The following PDE1A variants were observed in gnomAD, a reference collection of about 807,000 sequenced individuals.
PDE1A encodes the protein dual specificity calcium/calmodulin-dependent 3',5'-cyclic nucleotide phosphodiesterase 1A.
Under a neutral mutation model 61.7 loss-of-function variants are expected in PDE1A, and 35 were observed. The observed-to-expected ratio is 0.57, with a 90% CI of 0.43 to 0.75. PDE1A has a LOEUF of 0.75. PDE1A is among the 30% of genes least tolerant of loss of function. The pLI, the probability that PDE1A is intolerant of heterozygous loss-of-function variation, is 0.00. For missense variants in PDE1A, 597 were observed against 630.6 expected, an observed-to-expected ratio of 0.95 and a Z score of 0.57; for synonymous variants, 232 against 213.2, an observed-to-expected ratio of 1.09 and a Z score of -0.77.
chr2:182,475,002 AT>A (rs780817138), intron 2 of PDE1A, among the ~76,000 whole-genome samples: 4 of 151,946 alleles, frequency 2.6e-5, no homozygotes, highest in Non-Finnish European at 5.9e-5. Context: ...GCTTGACATC[AT>A]TCTGGGGTAT....
the PDE1A span, among the ~76,000 whole-genome samples, chr2:182,587,755 A>C: frequency 6.6e-6 from 1 of 152,204 alleles, no homozygotes; most frequent in South Asian, 2.1e-4. Flanking sequence ...GGAATTTCTG[A>C]GCCACAATAA....
chr2:182,687,992 G>T, the PDE1A span, among the ~76,000 whole-genome samples: 1 of 152,152 alleles, frequency 6.6e-6, no homozygotes, highest in East Asian at 1.9e-4. Context: ...GGAATAAAAA[G>T]AAATGAACAA....
At chr2:182,360,592 C>T (rs1559375159) in intron 1 of PDE1A, among the ~76,000 whole-genome samples, 1 of 150,274 alleles carries the variant, frequency 6.7e-6, no homozygotes, top group Non-Finnish European at 1.5e-5. Flanking sequence ...GGGCATAGTG[C>T]CCAGGGCCTA....
intron 1 of PDE1A, among the ~76,000 whole-genome samples, chr2:182,372,073 C>T (rs1431538890): frequency 6.6e-6 from 1 of 152,204 alleles, no homozygotes; most frequent in Non-Finnish European, 1.5e-5. Flanking sequence ...TGGCATGGGC[C>T]ACCATGCCTG....
At chr2:182,619,256 A>T in the PDE1A span, among the ~76,000 whole-genome samples, 3 of 152,190 alleles carry the variant, frequency 2.0e-5, no homozygotes, top group East Asian at 1.9e-4. Flanking sequence ...TAGAAAATTT[A>T]CAACACTATA....
intron 2 of PDE1A, among the ~76,000 whole-genome samples, chr2:182,507,660 A>G (rs1290095398): frequency 6.6e-6 from 1 of 152,342 alleles, no homozygotes; most frequent in East Asian, 1.9e-4. Flanking sequence ...AAATTGGGCC[A>G]TTACTGCAAC....
the PDE1A span, among the ~76,000 whole-genome samples, chr2:182,555,965 C>CAAAAAAAAAAAAAAAAAAAAA: frequency 2.9e-4 from 14 of 48,436 alleles, no homozygotes; most frequent in South Asian, 1.2e-3. Context: ...AACTCCATCT[C>CAAAAAAAAAAAAAAAAAAAAA]AAAAAAAAAA....
intron 4 of PDE1A, 28 bp from the exon 5 acceptor site, chr2:182,231,159 G>C (rs1321117607): frequency 9.1e-7 from 1 of 1,103,366 alleles, no homozygotes; most frequent in South Asian, 1.3e-5. Flanking sequence ...AATACTTTAG[G>C]TGCCAATATC....
At chr2:182,522,509 C>A in intron 1 of PDE1A, 1 of 1,485,376 alleles carries the variant, frequency 6.7e-7, no homozygotes, top group South Asian at 1.4e-5. Context: ...ATGTACAAAG[C>A]TGAGGGAAGA....
the PDE1A span, among the ~76,000 whole-genome samples, chr2:182,697,967 C>T: frequency 2.8e-4 from 42 of 152,282 alleles, no homozygotes; most frequent in Non-Finnish European, 1.2e-4. Flanking sequence ...GCACCTGGAG[C>T]CAAATAGGCA....
the PDE1A span, among the ~76,000 whole-genome samples, chr2:182,560,310 G>A: frequency 1.4e-5 from 2 of 143,128 alleles, no homozygotes; most frequent in Non-Finnish European, 3.0e-5. Flanking sequence ...GAGAATATGC[G>A]GTGTTTGGTT....
chr2:182,180,414 C>T (rs1312670652), intron 13 of PDE1A, among the ~76,000 whole-genome samples: 4 of 152,102 alleles, frequency 2.6e-5, no homozygotes, highest in African/African-American at 4.8e-5. Flanking sequence ...ATATTGCCCT[C>T]ACTCTCTTCT....
At chr2:182,473,803 T>C (rs1210886057) in intron 2 of PDE1A, among the ~76,000 whole-genome samples, 1 of 152,016 alleles carries the variant, frequency 6.6e-6, no homozygotes, top group Non-Finnish European at 1.5e-5. Context: ...TCCACGTTCC[T>C]TCAAAGAACA....
intron 6 of PDE1A, among the ~76,000 whole-genome samples, chr2:182,225,573 T>G (rs889272058): frequency 1.3e-5 from 2 of 151,970 alleles, no homozygotes. Context: ...TGGTTTTAAA[T>G]CTCTGTTAAT....
chr2:182,287,030 T>C (rs1467125251), intron 1 of PDE1A, among the ~76,000 whole-genome samples: 1 of 152,138 alleles, frequency 6.6e-6, no homozygotes, highest in Non-Finnish European at 1.5e-5. Context: ...CTCCTTACCT[T>C]GACTTCATAA....
rs545852665 is a variant in PDE1A, at chr2:182,477,383, G to T, written c.101+44893C>A. 3.3e-5 allele frequency among the ~76,000 whole-genome samples: 5 copies of T among 152,010 alleles called. No individual in the cohort carries two copies. The South Asian group carries it at 1.0e-3, about 32-fold the overall frequency. ...CTGGGAACAAGTGACTATGACAGCT[G>T]CTTTAAACACTTGACAATTTAATTA... On this transcript the variant is annotated intron_variant, in intron 2 of 14. Transcript: ENST00000410103.
At chr2:182,690,613 C>G in the PDE1A span, among the ~76,000 whole-genome samples, 1 of 152,190 alleles carries the variant, frequency 6.6e-6, no homozygotes, top group Non-Finnish European at 1.5e-5. Flanking sequence ...CCTTTGAAAA[C>G]TGGCACAAGA....
At chr2:182,618,021 C>T in the PDE1A span, among the ~76,000 whole-genome samples, 4 of 152,198 alleles carry the variant, frequency 2.6e-5, no homozygotes, top group Admixed American at 1.3e-4. Flanking sequence ...AGCAAAGAAA[C>T]TCCAGTATTT....
chr2:182,549,866 C>T, the PDE1A span, among the ~76,000 whole-genome samples: 4 of 152,062 alleles, frequency 2.6e-5, no homozygotes, highest in African/African-American at 9.7e-5. Flanking sequence ...TAAATAGTAA[C>T]ATTTGGTTAA....
Sources: gnomAD v4.1 joint callset for allele counts (sites outside exome capture counted in the v4.1 genomes callset) on GRCh38, gnomAD v4.1.1 for gene constraint, MANE v1.5 for transcripts, NCBI Gene and HGNC (gene_info 2026-07-23, HGNC 2026-07-21) for gene names.